Variants in NINL observed in about 807,000 individuals in gnomAD.
NINL encodes ninein-like protein.
NINL carries 153 observed loss-of-function variants against 160.3 expected under a neutral mutation model. The ratio of observed to expected loss-of-function variants is 0.95; its 90% confidence interval spans 0.84 to 1.09. The LOEUF (loss-of-function observed/expected upper bound fraction) is 1.09, where lower values mean the gene tolerates loss of function less well. NINL is among the 50% of genes least tolerant of loss of function. The pLI, the probability that NINL is intolerant of heterozygous loss-of-function variation, is 0.00. For synonymous variants in NINL, 800 were observed against 734.8 expected, an observed-to-expected ratio of 1.09 and a Z score of -1.43; for missense variants, 1,829 against 1,764.0, an observed-to-expected ratio of 1.04 and a Z score of -0.66.
intron 8 of NINL, among the ~76,000 whole-genome samples, chr20:25,500,449 G>A (rs1301603568): frequency 6.6e-6 from 1 of 152,158 alleles, no homozygotes; most frequent in South Asian, 2.1e-4. Flanking sequence ...AGGAGAGTCC[G>A]GGCTCACTCT....
chr20:25,527,346 G>A (rs67921634), intron 1 of NINL, among the ~76,000 whole-genome samples: 15,053 of 151,984 alleles, frequency 0.099, 1,260 homozygotes, highest in African/African-American at 0.23. Context: ...TAGAGACGAG[G>A]TTTCACCATG....
chr20:25,529,719 A>G (rs1407633421), intron 1 of NINL, among the ~76,000 whole-genome samples: 1 of 152,234 alleles, frequency 6.6e-6, no homozygotes, highest in Admixed American at 6.5e-5. Context: ...GCATGCCTGT[A>G]GTCCCAGCTA....
At chr20:25,457,874 C>A (rs925380355) in intron 22 of NINL, among the ~76,000 whole-genome samples, 1 of 152,208 alleles carries the variant, frequency 6.6e-6, no homozygotes, top group South Asian at 2.1e-4. Context: ...CTACTGCTAG[C>A]AGGACTTTAC....
At chr20:25,509,667 C>A (rs1170234767) in intron 5 of NINL, 1 of 456,642 alleles carries the variant, frequency 2.2e-6, no homozygotes, top group Non-Finnish European at 4.4e-6. Context: ...CTCTCACACC[C>A]ACCTTTCTGT....
chr20:25,535,520 TATG>T (rs1279640764), intron 1 of NINL, among the ~76,000 whole-genome samples: 2 of 152,102 alleles, frequency 1.3e-5, no homozygotes, highest in Admixed American at 6.5e-5. Context: ...ACCATAAATA[TATG>T]CATTTTTGTC....
At chr20:25,571,048 T>C (rs1419323679) in intron 1 of NINL, among the ~76,000 whole-genome samples, 1 of 152,076 alleles carries the variant, frequency 6.6e-6, no homozygotes, top group Non-Finnish European at 1.5e-5. Context: ...GACTGCTCTA[T>C]AAGTAGGTGT....
intron 1 of NINL, among the ~76,000 whole-genome samples, chr20:25,548,548 C>G (rs1343636452): frequency 6.6e-6 from 1 of 151,392 alleles, no homozygotes; most frequent in Non-Finnish European, 1.5e-5. Flanking sequence ...CCCAGCCTCA[C>G]CCACGGCTGA....
In NINL at chr20:25,503,970, C is replaced by T. The variant is rs754560331; in HGVS notation, c.843G>A (p.Lys281=). The T allele has an allele frequency of 1.2e-6, 2 of 1,614,164 alleles. No individual in the cohort carries two copies. Among genetic ancestry groups the T allele is most frequent in the Non-Finnish European group, 1.7e-6 (2 of 1,180,012 alleles). Residue 281 remains lysine, a synonymous_variant, in exon 7 of 24, where the codon AAG becomes AAA. Transcript: ENST00000278886. ...LESSTRVKPS[K]AWSHYQVPEE... ...ATTTTACCTGGTAATGAGACCAAGCCTTGCTCGGTTTAACCCGAGTGGAAG... is the reference window on the plus strand; with the variant it reads ...ATTTTACCTGGTAATGAGACCAAGCTTTGCTCGGTTTAACCCGAGTGGAAG...
chr20:25,513,973 A>G (rs752671997), intron 3 of NINL, among the ~76,000 whole-genome samples: 3 of 152,216 alleles, frequency 2.0e-5, no homozygotes, highest in Admixed American at 6.5e-5. Context: ...GAAAATTGGC[A>G]CCAGGAGTGG....
chr20:25,483,018 A>T (rs2063427719), intron 13 of NINL, among the ~76,000 whole-genome samples: 1 of 147,600 alleles, frequency 6.8e-6, no homozygotes. Context: ...AAAAGAGCAA[A>T]CTCCATCTCA....
At position 25,517,842 on chromosome 20, in the gene NINL, A is replaced by G; in HGVS notation, c.188T>C (p.Phe63Ser). ...LGNDHFARVN[F>S]EEFKEGFVAV... is the part of the protein sequence containing the mutation. ...CACAAAACCTTCCTTAAATTCCTCA[A>G]AGTTAACCTGGGTGAATTGAAGGTG... The change falls in exon 3 of 24, where the codon TTT becomes TCT. Residue 63 changes from phenylalanine to serine, a missense_variant. Coordinates refer to ENST00000278886, the MANE Select transcript of NINL (RefSeq NM_025176.6). 1 of 1,602,108 alleles carries G rather than the reference A, an allele frequency of 6.2e-7. No individual in the cohort carries two copies. The highest frequency in any genetic ancestry group is 8.5e-7 in the Non-Finnish European group (1 of 1,176,354).
At chr20:25,539,887 ACT>A (rs2147048205) in intron 1 of NINL, 1 of 393,906 alleles carries the variant, frequency 2.5e-6, no homozygotes, top group Non-Finnish European at 4.7e-6. Context: ...CTTTCCCTGA[ACT>A]CTCAGGACCA....
intron 18 of NINL, among the ~76,000 whole-genome samples, 183 bp from the exon 19 acceptor site, chr20:25,467,641 G>A (rs1222637585): frequency 2.0e-5 from 3 of 152,140 alleles, no homozygotes; most frequent in Non-Finnish European, 4.4e-5. Flanking sequence ...TGAAGACGAC[G>A]ATCCCGTCTT....
Position 25,504,823 on chromosome 20 carries a change from G to A in NINL, c.708+65C>T, listed in dbSNP as rs2063931144. Reference sequence around the variant, plus strand: ...TGGCTGAAGGGTAGAGGGGTTTCCAGACCCAACACTAAACCGTGACCATGG... The same window carrying A: ...TGGCTGAAGGGTAGAGGGGTTTCCAAACCCAACACTAAACCGTGACCATGG... On this transcript the variant is annotated intron_variant, in intron 6 of 23. Coordinates refer to ENST00000278886, the MANE Select transcript of NINL (RefSeq NM_025176.6). 3.2e-6 allele frequency: 5 copies of A among 1,557,390 alleles called. No homozygotes were observed. The Admixed American group carries it at 6.7e-5, about 21-fold the overall frequency.
chr20:25,515,704 T>C (rs978602173), intron 3 of NINL, among the ~76,000 whole-genome samples: 2 of 152,212 alleles, frequency 1.3e-5, no homozygotes, highest in African/African-American at 4.8e-5. Flanking sequence ...AACTTCCCCC[T>C]TGCTGTTTTT....
Position 25,510,745 on chromosome 20 carries a change from A to T in NINL, c.451-5T>A. 1 of 1,611,094 alleles carries T rather than the reference A, an allele frequency of 6.2e-7. No homozygotes were observed. Among genetic ancestry groups the T allele is most frequent in the Non-Finnish European group, 8.5e-7 (1 of 1,177,968 alleles). On this transcript the variant is annotated splice_region_variant and splice_polypyrimidine_tract_variant and intron_variant, in intron 4 of 23. Coordinates refer to ENST00000278886, the MANE Select transcript of NINL (RefSeq NM_025176.6). ...CTCTTCATCTGACTTGGGACTCTGT[A>T]GAAAGATGCAGAGAGAAGGCTGTGA...
intron 11 of NINL, 150 bp downstream of exon 11, chr20:25,491,201 C>T: frequency 3.2e-6 from 3 of 942,320 alleles, no homozygotes; most frequent in African/African-American, 1.6e-5. Flanking sequence ...CACCTCCTCA[C>T]TGCAGCAGGT....
intron 16 of NINL, 30 bp from the exon 17 acceptor site, chr20:25,477,119 G>GC: frequency 6.5e-7 from 1 of 1,534,054 alleles, no homozygotes; most frequent in Non-Finnish European, 8.7e-7. Context: ...ACACACCACA[G>GC]CCCTGCCGCC....
In NINL at chr20:25,476,804, C is replaced by G; in HGVS notation, c.2487G>C (p.Leu829=). 2 of 1,612,990 alleles carry G rather than the reference C, an allele frequency of 1.2e-6. No individual in the cohort carries two copies. Among genetic ancestry groups the G allele is most frequent in the Non-Finnish European group, 1.7e-6 (2 of 1,179,932 alleles). The part of the protein sequence containing the change: ...GPSLEAEMQA[L]PKDGLVAGSG... ...TTCCTGCCACCAGCCCATCTTTCGG[C>G]AGGGCCTGCATCTCTGCTTCCAGGG... Residue 829 remains leucine (L), a synonymous_variant, in exon 17 of 24, where the codon CTG becomes CTC. Coordinates refer to ENST00000278886, the MANE Select transcript of NINL (RefSeq NM_025176.6).
Sources: allele counts gnomAD v4.1 joint callset (sites outside exome capture counted in the v4.1 genomes callset), GRCh38; gene constraint gnomAD v4.1.1; transcripts MANE v1.5; gene names NCBI Gene and HGNC (gene_info 2026-07-23, HGNC 2026-07-21).